TNNI1: variants seen among roughly 807,000 people sequenced by gnomAD.
TNNI1 encodes troponin I, slow skeletal muscle.
Under a neutral mutation model 26.7 loss-of-function variants are expected in TNNI1, and 14 were observed. The ratio of observed to expected loss-of-function variants is 0.52; its 90% CI spans 0.35 to 0.82. The LOEUF (loss-of-function observed/expected upper bound fraction) is 0.82. Among genes scored for constraint, TNNI1 ranks in the 40% least tolerant of loss-of-function variants. The probability of loss-of-function intolerance (pLI) is 0.01; values close to 1 mark genes in which losing one functional copy is unlikely to be tolerated. For synonymous variants in TNNI1, 79 were observed against 98.2 expected (o/e 0.80, Z 1.16); for missense variants, 164 against 257.0 (o/e 0.64, Z 2.47).
At chr1:201,417,640 T>G in intron 2 of TNNI1, 143 bp downstream of exon 2, 2 of 620,990 alleles carry the variant, frequency 3.2e-6, no homozygotes, top group Non-Finnish European at 2.4e-6. Flanking sequence ...GGGGAAACCA[T>G]CAAGTGCTGC....
At chr1:201,419,036 G>A (rs529129269) in intron 1 of TNNI1, among the ~76,000 whole-genome samples, 145 of 152,276 alleles carry the variant, frequency 9.5e-4, no homozygotes, top group African/African-American at 3.4e-3. Context: ...TCATACCTGA[G>A]TGATGAAATA....
At chr1:201,412,497 G>A (rs1662649634) in intron 6 of TNNI1, among the ~76,000 whole-genome samples, 1 of 152,110 alleles carries the variant, frequency 6.6e-6, no homozygotes, top group Admixed American at 6.6e-5. Flanking sequence ...CCCCACTGGA[G>A]CAGGGTCTGG....
Position 201,413,080 on chromosome 1 carries a change from A to C in TNNI1, c.231T>G (p.Asp77Glu). ...RELHAKVEVVDEERYDIEAKC... is the reference protein window; with the variant it reads ...RELHAKVEVVEEERYDIEAKC... Reference sequence around the variant, plus strand: ...TGGCCTCAATGTCGTATCGCTCCTCATCCACCACCTCCACCTTGGCGTGCA... The same window carrying C: ...TGGCCTCAATGTCGTATCGCTCCTCCTCCACCACCTCCACCTTGGCGTGCA... The change falls in exon 6 of 9, where the codon GAT (aspartate) becomes GAG (glutamate). Residue 77 changes from aspartate to glutamate, a missense_variant. Physicochemically the swap from Asp to Glu is conservative, Grantham distance 45 (BLOSUM62 2). Transcript: ENST00000361379. The C allele has an allele frequency of 6.2e-7, 1 of 1,613,994 alleles. No homozygotes were observed.
chr1:201,418,025 T>C (rs1407764257), intron 1 of TNNI1, among the ~76,000 whole-genome samples: 1 of 152,002 alleles, frequency 6.6e-6, no homozygotes, highest in Non-Finnish European at 1.5e-5. Flanking sequence ...CAGCCTGTTT[T>C]TGCTTAAAGA....
intron 5 of TNNI1, 58 bp from the exon 6 acceptor site, chr1:201,413,179 T>C: frequency 6.3e-7 from 1 of 1,593,364 alleles, no homozygotes; most frequent in African/African-American, 1.3e-5. Context: ...AGACATCAGT[T>C]TCCAGCCCTT....
At chr1:201,421,351 G>A (rs1394800965) in intron 1 of TNNI1, among the ~76,000 whole-genome samples, 1 of 152,078 alleles carries the variant, frequency 6.6e-6, no homozygotes, top group East Asian at 1.9e-4. Flanking sequence ...ACACTCTGCT[G>A]GGCATCCTGT....
Position 201,405,605 on chromosome 1 carries a change from T to A in TNNI1, c.*3648A>T, listed in dbSNP as rs1182194836. The A allele has an allele frequency of 6.5e-6, 1 of 152,762 alleles. No homozygotes were observed. The highest frequency in any genetic ancestry group is 2.4e-5 in the African/African-American group (1 of 41,460). 9.5% of individuals were successfully genotyped at this position (152,762 alleles called of 1,614,324 possible). ...GGCCATTGTGGCTAATGTTTAACTC[T>A]GCCCCTCCTTCAGCAAGGCACTTTA... is the stretch of plus-strand genomic sequence containing the variant. On this transcript the variant is annotated 3_prime_UTR_variant, in exon 9 of 9. Transcript: ENST00000361379.
chr1:201,409,118 G>C lies in TNNI1; in HGVS notation c.*135C>G, dbSNP rs908767425. The stretch of plus-strand genomic sequence containing the variant: ...TCTGTTTAATCCCAGTTCCAGAGGA[G>C]GGCATGCAGGCTGGAGGGAAGAAGT... On this transcript the variant is annotated 3_prime_UTR_variant, in exon 9 of 9. Transcript: ENST00000361379. 12 of 152,280 alleles carry C rather than the reference G, an allele frequency of 7.9e-5. No individual in the cohort carries two copies. The highest frequency in any genetic ancestry group is 2.4e-4 in the African/African-American group (10 of 41,452). 9.4% of individuals were successfully genotyped at this position (152,280 alleles called of 1,614,324 possible). A position where few individuals can be genotyped will look rare whatever the true frequency, so the allele number is the denominator to read the frequency against.
chr1:201,414,874 A>G (rs1212407518), intron 4 of TNNI1, among the ~76,000 whole-genome samples: 2 of 152,212 alleles, frequency 1.3e-5, no homozygotes, highest in Non-Finnish European at 2.9e-5. Context: ...CCTCTTATCC[A>G]CTTACTGTCT....
At chr1:201,413,517 G>C (rs996837110) in intron 5 of TNNI1, among the ~76,000 whole-genome samples, 6 of 152,186 alleles carry the variant, frequency 3.9e-5, no homozygotes, top group African/African-American at 1.4e-4. Flanking sequence ...AGGCCAAGGT[G>C]GGGGATCACC....
At position 201,416,677 on chromosome 1, in the gene TNNI1, C is replaced by A. The variant is rs552537977; in HGVS notation, c.15+439G>T. Among the ~76,000 whole-genome samples, 72 of 152,330 alleles carry A rather than the reference C, an allele frequency of 4.7e-4. No homozygotes were observed. In the South Asian group the frequency reaches 8.1e-3, roughly 17 times the overall value. On this transcript the variant is annotated intron_variant, in intron 3 of 8. Transcript: ENST00000361379. ...TAAGGACATCTCTTTGCTCCTCAAT[C>A]AATGTTCAGCCATTGGGCAAGGGTG...
At position 201,411,464 on chromosome 1, in the gene TNNI1, G is replaced by A. The variant is rs780250818; in HGVS notation, c.349C>T (p.Arg117Cys). ...CGGAGCATGGCGTCAGCCGAGACAC[G>A]GACTCGACGCAGGGGCGGGCGCTTG... Reference protein sequence around the residue: ...KFKRPPLRRVRVSADAMLRAL... With the variant: ...KFKRPPLRRVCVSADAMLRAL... Residue 117 changes from arginine (R) to cysteine (C), a missense_variant, in exon 7 of 9, where the codon CGT becomes TGT. Transcript: ENST00000361379. This position sits in a 1 kb window ranked among gnomAD's most constrained non-coding sequence, Gnocchi z 4.6. 3.7e-6 allele frequency: 6 copies of A among 1,613,330 alleles called. No individual in the cohort carries two copies. Among genetic ancestry groups the A allele is most frequent in the Admixed American group, 1.7e-5 (1 of 59,892 alleles).
chr1:201,411,588 C>T lies in TNNI1; in HGVS notation c.280-55G>A, dbSNP rs932262405. The T allele has an allele frequency of 1.4e-4, 209 of 1,475,978 alleles. No homozygotes were observed. Among genetic ancestry groups the T allele is most frequent in the Non-Finnish European group, 1.8e-4 (202 of 1,112,710 alleles). 91.4% of individuals were successfully genotyped at this position (1,475,978 alleles called of 1,614,324 possible). On this transcript the variant is annotated intron_variant, in intron 6 of 8. Transcript: ENST00000361379. This position sits in a 1 kb window ranked among gnomAD's most constrained non-coding sequence, Gnocchi z 4.6. The stretch of plus-strand genomic sequence containing the variant: ...GGAGAGGCAGCTAGCCACAGGACAC[C>T]CTTCCTGAGGACCTCAGACTGCTAG...
rs1251624106 is a variant in TNNI1, at chr1:201,406,172, T to TGC, written c.*3080_*3081insGC. The TGC allele has an allele frequency of 6.6e-6, 1 of 152,232 alleles. No individual in the cohort carries two copies. Among genetic ancestry groups the TGC allele is most frequent in the Non-Finnish European group, 1.5e-5 (1 of 68,046 alleles). 9.4% of individuals were successfully genotyped at this position (152,232 alleles called of 1,614,324 possible). ...CCCCAAGGCAGAGTGACCTGAGATC[T>TGC]AGTCTCCAGTCTGCAGCTAGCAAAC... On this transcript the variant is annotated 3_prime_UTR_variant, in exon 9 of 9. Coordinates refer to ENST00000361379, the MANE Select transcript of TNNI1 (RefSeq NM_003281.4).
intron 5 of TNNI1, among the ~76,000 whole-genome samples, chr1:201,413,483 T>A (rs1285899934): frequency 1.3e-5 from 2 of 151,506 alleles, no homozygotes; most frequent in African/African-American, 4.9e-5. Flanking sequence ...CGGTGGCTCA[T>A]CCCTGTAATC....
chr1:201,410,844 A>C (rs1383704265), intron 7 of TNNI1, among the ~76,000 whole-genome samples: 1 of 152,166 alleles, frequency 6.6e-6, no homozygotes, highest in African/African-American at 2.4e-5. Flanking sequence ...TTCTCCTCTG[A>C]AGCTTCTTGG....
At position 201,406,708 on chromosome 1, in the gene TNNI1, C is replaced by T. The variant is rs1051303936; in HGVS notation, c.*2545G>A. On this transcript the variant is annotated 3_prime_UTR_variant, in exon 9 of 9. Coordinates refer to ENST00000361379, the MANE Select transcript of TNNI1 (RefSeq NM_003281.4). ...CCAGCCCAGGCCCCATTCTTGGCTA[C>T]AACAGCCCCTTCCATAGATCCCTCT... 6.6e-6 allele frequency: 1 copy of T among 152,438 alleles called. No individual in the cohort carries two copies. The highest frequency in any genetic ancestry group is 1.5e-5 in the Non-Finnish European group (1 of 68,182). The allele number at this position is 152,438 out of a possible 1,614,324, so 9.4% of individuals were successfully genotyped here. A position where few individuals can be genotyped will look rare whatever the true frequency, so the allele number is the denominator to read the frequency against.
At chr1:201,412,882 T>G (rs540692921) in intron 6 of TNNI1, 150 bp downstream of exon 6, 1 of 729,810 alleles carries the variant, frequency 1.4e-6, no homozygotes, top group Admixed American at 2.0e-5. Context: ...TCCAGCCCTA[T>G]GGGGCTAGGG....
At chr1:201,410,089 C>G in intron 8 of TNNI1, 1 of 461,874 alleles carries the variant, frequency 2.2e-6, no homozygotes, top group Non-Finnish European at 3.9e-6. Flanking sequence ...TGATACAGCC[C>G]CCAATTTCAT....
Sources: allele counts gnomAD v4.1 joint callset (sites outside exome capture counted in the v4.1 genomes callset), GRCh38; gene constraint gnomAD v4.1.1; non-coding constraint Gnocchi (gnomAD v3.1); transcripts MANE v1.5; gene names NCBI Gene and HGNC (gene_info 2026-07-23, HGNC 2026-07-21).